Variants in BTBD9 observed in about 807,000 individuals in gnomAD.
BTBD9 encodes BTB/POZ domain-containing protein 9.
Under a neutral mutation model 64.3 loss-of-function variants are expected in BTBD9, and 49 were observed. That is an observed-to-expected ratio of 0.76 (90% CI 0.61 to 0.97). The LOEUF (loss-of-function observed/expected upper bound fraction) is 0.97, where lower values mean the gene tolerates loss of function less well. BTBD9 is among the 50% of genes least tolerant of loss of function. The pLI is 0.00. For synonymous variants in BTBD9, 260 were observed against 274.7 expected, an observed-to-expected ratio of 0.95 and a Z score of 0.53; for missense variants, 598 against 762.1, an observed-to-expected ratio of 0.78 and a Z score of 2.53.
chr6:38,607,499 T>G (rs1582710138), intron 1 of BTBD9, among the ~76,000 whole-genome samples: 1 of 152,318 alleles, frequency 6.6e-6, no homozygotes, highest in East Asian at 1.9e-4. Flanking sequence ...TGTGGGTTTA[T>G]GTATGCCACA....
intron 8 of BTBD9, among the ~76,000 whole-genome samples, chr6:38,269,822 A>G (rs1765138940): frequency 6.6e-6 from 1 of 152,236 alleles, no homozygotes; most frequent in African/African-American, 2.4e-5. Flanking sequence ...TGTATTCTGC[A>G]AGAATTGCCT....
At chr6:38,434,543 T>C (rs951064497) in intron 6 of BTBD9, among the ~76,000 whole-genome samples, 29 of 151,970 alleles carry the variant, frequency 1.9e-4, no homozygotes, top group Admixed American at 1.2e-3. Flanking sequence ...CTAAAATGTA[T>C]AAAAAACCAA....
chr6:38,479,655 C>T (rs1360831815), intron 6 of BTBD9, among the ~76,000 whole-genome samples: 2 of 152,218 alleles, frequency 1.3e-5, no homozygotes, highest in Admixed American at 1.3e-4. Context: ...GCTCAATCAA[C>T]ACCTCTCAGA....
At chr6:38,232,665 CTTT>C (rs762881748) in intron 9 of BTBD9, among the ~76,000 whole-genome samples, 2 of 141,444 alleles carry the variant, frequency 1.4e-5, no homozygotes, top group African/African-American at 2.6e-5. Context: ...CCTTTCGCAA[CTTT>C]TTTTTTTTTT....
At chr6:38,611,338 T>C (rs1777611470) in intron 1 of BTBD9, among the ~76,000 whole-genome samples, 1 of 152,196 alleles carries the variant, frequency 6.6e-6, no homozygotes, top group Non-Finnish European at 1.5e-5. Context: ...GTTTCCTTCT[T>C]TTATAACAAG....
intron 9 of BTBD9, among the ~76,000 whole-genome samples, chr6:38,199,464 C>A (rs1024959715): frequency 2.0e-5 from 3 of 151,980 alleles, no homozygotes; most frequent in Non-Finnish European, 4.4e-5. Flanking sequence ...ATTTTTAGAC[C>A]CTGAGGATAT....
intron 6 of BTBD9, among the ~76,000 whole-genome samples, chr6:38,496,596 AC>A (rs1483456461): frequency 6.6e-6 from 1 of 151,536 alleles, no homozygotes; most frequent in Non-Finnish European, 1.5e-5. Context: ...CTGCAGCAGG[AC>A]ATGATCACAC....
chr6:38,395,066 G>A (rs571708600), intron 6 of BTBD9, among the ~76,000 whole-genome samples: 6 of 152,274 alleles, frequency 3.9e-5, no homozygotes, highest in African/African-American at 1.4e-4. Flanking sequence ...AGAATTAGGA[G>A]GTGGGGGCTT....
At chr6:38,585,205 C>T (rs1313305760) in intron 4 of BTBD9, among the ~76,000 whole-genome samples, 1 of 152,072 alleles carries the variant, frequency 6.6e-6, no homozygotes, top group Non-Finnish European at 1.5e-5. Context: ...TTATACATCC[C>T]CTATTTACAG....
chr6:38,412,871 A>G (rs1380163138), intron 6 of BTBD9, among the ~76,000 whole-genome samples: 3 of 151,748 alleles, frequency 2.0e-5, no homozygotes, highest in African/African-American at 7.3e-5. Flanking sequence ...AACAACAACA[A>G]CAACAACAAC....
At chr6:38,457,056 A>G (rs556500622) in intron 6 of BTBD9, among the ~76,000 whole-genome samples, 3 of 152,160 alleles carry the variant, frequency 2.0e-5, no homozygotes, top group Admixed American at 6.5e-5. Context: ...GAGCAAAGCA[A>G]AAGCGCTAGG....
chr6:38,569,511 A>C (rs1775661738), intron 6 of BTBD9, among the ~76,000 whole-genome samples: 1 of 152,236 alleles, frequency 6.6e-6, no homozygotes, highest in Admixed American at 6.5e-5. Flanking sequence ...AAAAACAGGC[A>C]ATGGCTATTT....
chr6:38,443,818 C>T (rs1444186901), intron 6 of BTBD9, among the ~76,000 whole-genome samples: 2 of 152,194 alleles, frequency 1.3e-5, no homozygotes, highest in Non-Finnish European at 2.9e-5. Context: ...AATTACTAAA[C>T]AGTCTCCTTA....
intron 6 of BTBD9, among the ~76,000 whole-genome samples, chr6:38,416,476 A>G (rs1321482311): frequency 6.8e-6 from 1 of 147,890 alleles, no homozygotes; most frequent in Non-Finnish European, 1.5e-5. Context: ...CTGGGACTAC[A>G]GGTGCCCGCC....
At chr6:38,583,348 A>G (rs536329110) in intron 4 of BTBD9, among the ~76,000 whole-genome samples, 4 of 152,164 alleles carry the variant, frequency 2.6e-5, no homozygotes, top group African/African-American at 9.6e-5. Context: ...AAAAATACAA[A>G]ATTAGCCAGG....
chr6:38,538,309 CT>C (rs764717849), intron 6 of BTBD9, among the ~76,000 whole-genome samples: 67 of 152,178 alleles, frequency 4.4e-4, no homozygotes, highest in Admixed American at 1.3e-3. Context: ...TTGCAAATTA[CT>C]TTGGGGAAAT....
At chr6:38,510,876 C>T (rs578240787) in intron 6 of BTBD9, among the ~76,000 whole-genome samples, 5 of 152,262 alleles carry the variant, frequency 3.3e-5, no homozygotes, top group East Asian at 3.9e-4. Context: ...GATAACAATG[C>T]CTTCTTCCGA....
At chr6:38,261,213 A>G (rs1764779446) in intron 8 of BTBD9, among the ~76,000 whole-genome samples, 2 of 152,162 alleles carry the variant, frequency 1.3e-5, no homozygotes, top group African/African-American at 4.8e-5. Context: ...AGCATGAGCC[A>G]CTGAGTCCAG....
chr6:38,502,495 T>C (rs988482662), intron 6 of BTBD9, among the ~76,000 whole-genome samples: 1 of 152,194 alleles, frequency 6.6e-6, no homozygotes, highest in Non-Finnish European at 1.5e-5. Flanking sequence ...TACCATTTGC[T>C]CTGAAGGGAA....
Sources: allele counts gnomAD v4.1 joint callset (sites outside exome capture counted in the v4.1 genomes callset), GRCh38; gene constraint gnomAD v4.1.1; transcripts MANE v1.5; gene names NCBI Gene and HGNC (gene_info 2026-07-23, HGNC 2026-07-21).